SLC9A9: variants seen among roughly 807,000 people sequenced by gnomAD.
SLC9A9 encodes the protein solute carrier family 9 member A9.
SLC9A9 carries 62 observed loss-of-function variants against 77.8 expected under a neutral mutation model. That is an observed-to-expected ratio of 0.80 (90% CI 0.65 to 0.98). SLC9A9 has a LOEUF of 0.98. Among genes scored for constraint, SLC9A9 ranks in the 50% least tolerant of loss-of-function variants. The probability of loss-of-function intolerance (pLI) is 0.00; values close to 1 mark genes in which losing one functional copy is unlikely to be tolerated. For missense variants in SLC9A9, 775 were observed against 774.9 expected (o/e 1.00, Z 0.00); for synonymous variants, 320 against 283.5 (o/e 1.13, Z -1.29).
intron 9 of SLC9A9, among the ~76,000 whole-genome samples, chr3:143,505,065 A>G (rs970763102): frequency 2.0e-5 from 3 of 151,922 alleles, no homozygotes; most frequent in Admixed American, 1.3e-4. Flanking sequence ...CTCTGACCAT[A>G]TTTTTCCCAG....
intron 11 of SLC9A9, among the ~76,000 whole-genome samples, chr3:143,473,388 T>G (rs1162949165): frequency 6.6e-6 from 1 of 152,180 alleles, no homozygotes; most frequent in Non-Finnish European, 1.5e-5. Flanking sequence ...CTTTTCCTGT[T>G]TACTTCCTCT....
intron 6 of SLC9A9, among the ~76,000 whole-genome samples, chr3:143,597,444 C>T (rs913644912): frequency 2.0e-5 from 3 of 152,112 alleles, no homozygotes; most frequent in African/African-American, 7.2e-5. Context: ...AGCTGTTGAC[C>T]CTGAAGGCAA....
chr3:143,492,392 C>T (rs2035763916), intron 11 of SLC9A9, among the ~76,000 whole-genome samples: 1 of 151,804 alleles, frequency 6.6e-6, no homozygotes. Context: ...TAAGGAAGTA[C>T]TGTCAGAGGC....
chr3:143,643,356 T>C (rs1241334432), intron 6 of SLC9A9, among the ~76,000 whole-genome samples: 1 of 152,170 alleles, frequency 6.6e-6, no homozygotes, highest in East Asian at 1.9e-4. Context: ...CGTTGCTATT[T>C]CTTAAGGCTG....
intron 2 of SLC9A9, among the ~76,000 whole-genome samples, chr3:143,798,162 G>A (rs903524600): frequency 5.9e-5 from 9 of 152,068 alleles, no homozygotes; most frequent in East Asian, 5.8e-4. Context: ...CAATCTTGGC[G>A]CCACACTTCA....
chr3:143,491,092 T>C (rs777644969), intron 11 of SLC9A9, among the ~76,000 whole-genome samples: 4 of 152,186 alleles, frequency 2.6e-5, no homozygotes, highest in Non-Finnish European at 5.9e-5. Flanking sequence ...TTCAAGCTGA[T>C]AAGCTGTAAC....
At chr3:143,449,863 AT>A (rs1368451559) in intron 12 of SLC9A9, among the ~76,000 whole-genome samples, 1 of 86,648 alleles carries the variant, frequency 1.2e-5, no homozygotes, top group African/African-American at 4.9e-5. Flanking sequence ...AATTATATAT[AT>A]AAAATATATA....
At chr3:143,386,623 A>AG (rs2033433381) in intron 12 of SLC9A9, among the ~76,000 whole-genome samples, 2 of 152,202 alleles carry the variant, frequency 1.3e-5, no homozygotes, top group African/African-American at 4.8e-5. Flanking sequence ...ATTATTTTTC[A>AG]GTACTTATCA....
chr3:143,843,603 G>T (rs2009760836), intron 1 of SLC9A9, among the ~76,000 whole-genome samples: 1 of 152,154 alleles, frequency 6.6e-6, no homozygotes, highest in Admixed American at 6.5e-5. Flanking sequence ...CTATGGGAAG[G>T]CCAGGAAGTC....
chr3:143,665,200 T>C (rs1325833019), intron 5 of SLC9A9, among the ~76,000 whole-genome samples: 2 of 152,176 alleles, frequency 1.3e-5, no homozygotes, highest in Non-Finnish European at 2.9e-5. Flanking sequence ...ACCGCTCAAC[T>C]ACATGGAAAC....
chr3:143,550,394 G>C (rs2036860632), intron 9 of SLC9A9, among the ~76,000 whole-genome samples: 2 of 152,088 alleles, frequency 1.3e-5, no homozygotes, highest in South Asian at 4.1e-4. Context: ...CACATTCTTT[G>C]CCATATAACT....
chr3:143,759,305 A>G (rs746645742), intron 4 of SLC9A9, among the ~76,000 whole-genome samples: 27 of 152,134 alleles, frequency 1.8e-4, no homozygotes, highest in Non-Finnish European at 4.0e-4. Flanking sequence ...TCAAATCAAG[A>G]TGGGCACATG....
At chr3:143,674,978 T>C (rs998660700) in intron 5 of SLC9A9, among the ~76,000 whole-genome samples, 6 of 152,132 alleles carry the variant, frequency 3.9e-5, no homozygotes, top group South Asian at 2.1e-4. Context: ...GAGACACTTG[T>C]TAGAAATGGG....
chr3:143,329,317 G>A (rs187732395), intron 14 of SLC9A9, among the ~76,000 whole-genome samples: 1 of 152,260 alleles, frequency 6.6e-6, no homozygotes, highest in East Asian at 1.9e-4. Context: ...ACAGATAAGA[G>A]TCTGAGACCA....
At chr3:143,500,197 A>G (rs565300509) in intron 9 of SLC9A9, among the ~76,000 whole-genome samples, 12 of 152,094 alleles carry the variant, frequency 7.9e-5, no homozygotes, top group African/African-American at 2.9e-4. Flanking sequence ...TTACTTTTGG[A>G]TCAGTTTTAG....
intron 5 of SLC9A9, among the ~76,000 whole-genome samples, chr3:143,676,036 C>A (rs1932872561): frequency 6.6e-6 from 1 of 152,192 alleles, no homozygotes; most frequent in African/African-American, 2.4e-5. Flanking sequence ...CGGAATGAAA[C>A]TTCCACCTCA....
chr3:143,795,953 C>CATGT (rs59240597), intron 3 of SLC9A9, among the ~76,000 whole-genome samples: 23,991 of 152,002 alleles, frequency 0.16, 2,037 homozygotes, highest in South Asian at 0.28. Context: ...GCCTGGAGTA[C>CATGT]ACACAAGAAA....
chr3:143,326,295 T>A (rs2031600785), intron 14 of SLC9A9, among the ~76,000 whole-genome samples: 1 of 152,166 alleles, frequency 6.6e-6, no homozygotes, highest in South Asian at 2.1e-4. Context: ...ACCAGAGTGA[T>A]CTGTAAAATA....
At chr3:143,322,528 T>C (rs2031453648) in intron 14 of SLC9A9, among the ~76,000 whole-genome samples, 1 of 152,164 alleles carries the variant, frequency 6.6e-6, no homozygotes, top group Non-Finnish European at 1.5e-5. Context: ...CCATGCCTTA[T>C]AATAAATGTA....
Sources: gnomAD v4.1 joint callset for allele counts (sites outside exome capture counted in the v4.1 genomes callset) on GRCh38, gnomAD v4.1.1 for gene constraint, MANE v1.5 for transcripts, NCBI Gene and HGNC (gene_info 2026-07-23, HGNC 2026-07-21) for gene names.